FNDC3B: variants seen among roughly 807,000 people sequenced by gnomAD.
The protein encoded by FNDC3B is fibronectin type III domain containing 3B.
FNDC3B carries 12 observed loss-of-function variants against 151.5 expected under a neutral mutation model. That is an observed-to-expected ratio of 0.08 (90% confidence interval 0.05 to 0.13). FNDC3B has a LOEUF of 0.13. Among genes scored for constraint, FNDC3B ranks in the 10% least tolerant of loss-of-function variants. The probability of loss-of-function intolerance (pLI) is 1.00; values close to 1 mark genes in which losing one functional copy is unlikely to be tolerated. For missense variants in FNDC3B, 1,214 were observed against 1,505.3 expected (o/e 0.81, Z 3.20); for synonymous variants, 528 against 549.0 (o/e 0.96, Z 0.54).
intron 6 of FNDC3B, among the ~76,000 whole-genome samples, chr3:172,256,249 C>G (rs182594653): frequency 6.6e-6 from 1 of 152,338 alleles, no homozygotes; most frequent in African/African-American, 2.4e-5. Flanking sequence ...AACTCCAACT[C>G]AGGCCTTCAA....
chr3:172,195,682 G>A (rs958677380), intron 3 of FNDC3B, among the ~76,000 whole-genome samples: 3 of 152,188 alleles, frequency 2.0e-5, no homozygotes, highest in African/African-American at 4.8e-5. Context: ...TGCAGAAGGG[G>A]TCATTCCCAT....
At chr3:172,315,408 T>A (rs1159031377) in intron 11 of FNDC3B, among the ~76,000 whole-genome samples, 2 of 152,168 alleles carry the variant, frequency 1.3e-5, no homozygotes, top group African/African-American at 4.8e-5. Flanking sequence ...ACAGGTGTCA[T>A]TGGCTTTTCA....
intron 1 of FNDC3B, among the ~76,000 whole-genome samples, chr3:172,085,046 G>A (rs1036595881): frequency 6.6e-6 from 1 of 152,178 alleles, no homozygotes; most frequent in Non-Finnish European, 1.5e-5. Flanking sequence ...GAATCAACAT[G>A]TGGTAAATAC....
At chr3:172,355,094 C>T (rs888156069) in intron 22 of FNDC3B, among the ~76,000 whole-genome samples, 1 of 152,032 alleles carries the variant, frequency 6.6e-6, no homozygotes, top group Non-Finnish European at 1.5e-5. Flanking sequence ...TACAATACTA[C>T]TTTTAAAGGC....
chr3:172,264,553 G>C (rs1164375926), intron 6 of FNDC3B, among the ~76,000 whole-genome samples: 1 of 151,976 alleles, frequency 6.6e-6, no homozygotes, highest in Non-Finnish European at 1.5e-5. Context: ...CCTCTCTCCT[G>C]TTCTGTATAT....
intron 1 of FNDC3B, among the ~76,000 whole-genome samples, chr3:172,067,304 G>C (rs1717546718): frequency 6.6e-6 from 1 of 152,150 alleles, no homozygotes; most frequent in Admixed American, 6.5e-5. Context: ...AGCGAGAATG[G>C]CCTGATTGAT....
intron 3 of FNDC3B, among the ~76,000 whole-genome samples, chr3:172,150,644 C>T (rs1418920457): frequency 6.6e-6 from 1 of 151,882 alleles, no homozygotes; most frequent in Non-Finnish European, 1.5e-5. Flanking sequence ...GATAACACCA[C>T]CGATTAAGTT....
chr3:172,354,884 T>TTA (rs1005354264), intron 22 of FNDC3B, among the ~76,000 whole-genome samples: 1 of 151,534 alleles, frequency 6.6e-6, no homozygotes, highest in Non-Finnish European at 1.5e-5. Flanking sequence ...TTTTTTTTTT[T>TTA]TAAGCCTTCA....
At chr3:172,152,355 C>T (rs913411238) in intron 3 of FNDC3B, among the ~76,000 whole-genome samples, 4 of 152,154 alleles carry the variant, frequency 2.6e-5, no homozygotes, top group Admixed American at 1.3e-4. Context: ...GGGTACTTAA[C>T]GCCTTCTAAG....
At chr3:172,110,642 A>G (rs1719911316) in intron 1 of FNDC3B, among the ~76,000 whole-genome samples, 1 of 151,764 alleles carries the variant, frequency 6.6e-6, no homozygotes, top group Non-Finnish European at 1.5e-5. Context: ...GCACTCGCTA[A>G]TGTAGCAGAG....
At position 172,356,666 on chromosome 3, in the gene FNDC3B, C is replaced by A. The variant is rs549106122; in HGVS notation, c.2795+3583C>A. ...CAGTTCCGACTCCTCCTCCAGGAAG[C>A]CTTCTATGAATAACTTTACTCGGAG... On this transcript the variant is annotated intron_variant, in intron 22 of 25. Transcript: ENST00000415807. Among the ~76,000 whole-genome samples, 4 of 152,262 alleles carry A rather than the reference C, an allele frequency of 2.6e-5. No homozygotes were observed. The East Asian group carries it at 7.7e-4, about 29-fold the overall frequency.
chr3:172,172,945 A>G (rs1723357408), intron 3 of FNDC3B, among the ~76,000 whole-genome samples: 1 of 152,220 alleles, frequency 6.6e-6, no homozygotes, highest in Non-Finnish European at 1.5e-5. Context: ...CTATAGCTGT[A>G]TTTAATCTTA....
intron 1 of FNDC3B, among the ~76,000 whole-genome samples, chr3:172,089,996 A>AC (rs1718732855): frequency 6.6e-6 from 1 of 152,226 alleles, no homozygotes; most frequent in African/African-American, 2.4e-5. Flanking sequence ...TGGCTGTTAT[A>AC]TGAGTTGAAC....
intron 21 of FNDC3B, among the ~76,000 whole-genome samples, chr3:172,348,709 A>C (rs576481): frequency 0.46 from 69,684 of 152,056 alleles, 17,057 homozygotes; most frequent in Non-Finnish European, 0.56. Flanking sequence ...TATAAAAGAT[A>C]CATTAATAAG....
intron 1 of FNDC3B, among the ~76,000 whole-genome samples, chr3:172,057,892 T>G (rs1423284266): frequency 2.0e-5 from 3 of 151,850 alleles, no homozygotes; most frequent in African/African-American, 7.3e-5. Context: ...AAAATTTAAT[T>G]TTCTAATTTG....
intron 6 of FNDC3B, among the ~76,000 whole-genome samples, chr3:172,272,605 G>A (rs577061966): frequency 2.0e-5 from 3 of 152,258 alleles, no homozygotes; most frequent in Non-Finnish European, 4.4e-5. Context: ...TCACATTTCA[G>A]GAGACTATTC....
intron 4 of FNDC3B, among the ~76,000 whole-genome samples, chr3:172,239,853 G>GTTTTTTTTTTTTTTTTTTTTT (rs1195281476): frequency 1.5e-5 from 1 of 65,876 alleles, no homozygotes; most frequent in African/African-American, 5.7e-5. Context: ...ATCCATTTTA[G>GTTTTTTTTTTTTTTTTTTTTT]TTCTTTTTTT....
At chr3:172,222,553 G>A (rs1226232325) in intron 3 of FNDC3B, among the ~76,000 whole-genome samples, 1 of 152,190 alleles carries the variant, frequency 6.6e-6, no homozygotes, top group Admixed American at 6.5e-5. Flanking sequence ...TCCACGGATT[G>A]GGGGTGAGGG....
chr3:172,297,861 G>A (rs1730719900), intron 8 of FNDC3B, among the ~76,000 whole-genome samples: 1 of 152,160 alleles, frequency 6.6e-6, no homozygotes, highest in Non-Finnish European at 1.5e-5. Context: ...AAGAACCACA[G>A]TGTAATTATA....
Sources: allele counts gnomAD v4.1 joint callset (sites outside exome capture counted in the v4.1 genomes callset), GRCh38; gene constraint gnomAD v4.1.1; transcripts MANE v1.5; gene names NCBI Gene and HGNC (gene_info 2026-07-23, HGNC 2026-07-21).